The following EXOC6B variants were observed in gnomAD, a reference collection of about 807,000 sequenced individuals.
EXOC6B encodes the protein SEC15 homolog B.
In EXOC6B, 54 loss-of-function variants were observed where a neutral mutation model predicts 113.5. The ratio of observed to expected loss-of-function variants is 0.48; its 90% CI spans 0.38 to 0.60. The LOEUF (loss-of-function observed/expected upper bound fraction) is 0.60. EXOC6B is among the 20% of genes least tolerant of loss of function. EXOC6B has a pLI of 0.00. For missense variants in EXOC6B, 797 were observed against 977.5 expected (o/e 0.82, Z 2.46); for synonymous variants, 357 against 339.0 (o/e 1.05, Z -0.58).
At chr2:72,215,217 G>T (rs921486331) in intron 20 of EXOC6B, among the ~76,000 whole-genome samples, 2 of 152,150 alleles carry the variant, frequency 1.3e-5, no homozygotes, top group African/African-American at 4.8e-5. Context: ...AAATCAGTAA[G>T]TCTTACTGTT....
At chr2:72,289,310 T>C (rs576772834) in intron 20 of EXOC6B, among the ~76,000 whole-genome samples, 1 of 152,340 alleles carries the variant, frequency 6.6e-6, no homozygotes, top group Non-Finnish European at 1.5e-5. Flanking sequence ...CATGAAGCCA[T>C]ATAATTATGA....
chr2:72,723,308 A>T (rs1225211551), intron 5 of EXOC6B, among the ~76,000 whole-genome samples: 1 of 152,210 alleles, frequency 6.6e-6, no homozygotes, highest in East Asian at 1.9e-4. Flanking sequence ...AAGTAAAGAA[A>T]ATAAAAGCAG....
At chr2:72,197,936 T>G (rs901269539) in intron 20 of EXOC6B, among the ~76,000 whole-genome samples, 1 of 152,200 alleles carries the variant, frequency 6.6e-6, no homozygotes, top group Non-Finnish European at 1.5e-5. Flanking sequence ...GCCATCAGTC[T>G]GAAACTTTTG....
intron 19 of EXOC6B, among the ~76,000 whole-genome samples, chr2:72,350,503 A>T (rs550873021): frequency 1.3e-5 from 2 of 152,218 alleles, no homozygotes; most frequent in Non-Finnish European, 2.9e-5. Flanking sequence ...TAGACTTAGG[A>T]TCTATCTTAT....
intron 18 of EXOC6B, among the ~76,000 whole-genome samples, chr2:72,394,115 G>A (rs903543652): frequency 5.3e-5 from 8 of 152,014 alleles, no homozygotes; most frequent in Admixed American, 6.6e-5. Context: ...TATATGTTAA[G>A]TACTTAGTCA....
At chr2:72,263,511 A>T (rs1249582477) in intron 20 of EXOC6B, 1 of 152,226 alleles carries the variant, frequency 6.6e-6, no homozygotes, top group Non-Finnish European at 1.5e-5. Flanking sequence ...CTTATCCCCA[A>T]AGCAATAAAT....
At chr2:72,294,929 T>C (rs569299387) in intron 20 of EXOC6B, among the ~76,000 whole-genome samples, 15 of 152,062 alleles carry the variant, frequency 9.9e-5, no homozygotes, top group Non-Finnish European at 2.1e-4. Flanking sequence ...ACATTAAAAA[T>C]ATGTCTCTCA....
At chr2:72,413,138 T>G (rs1694292394) in intron 18 of EXOC6B, among the ~76,000 whole-genome samples, 1 of 151,918 alleles carries the variant, frequency 6.6e-6, no homozygotes, top group African/African-American at 2.4e-5. Context: ...TTTTTTTGTA[T>G]TTTTAGTAGA....
intron 20 of EXOC6B, among the ~76,000 whole-genome samples, chr2:72,310,206 C>A (rs1478467380): frequency 6.6e-6 from 1 of 152,132 alleles, no homozygotes; most frequent in Admixed American, 6.5e-5. Flanking sequence ...TTTGAGGAAA[C>A]ACTAAACTGT....
At chr2:72,511,648 C>T (rs1700905427) in intron 11 of EXOC6B, among the ~76,000 whole-genome samples, 2 of 152,070 alleles carry the variant, frequency 1.3e-5, no homozygotes, top group African/African-American at 2.4e-5. Flanking sequence ...CCCACCTTCA[C>T]CTTGAACACA....
At chr2:72,197,561 T>G (rs1333080944) in intron 20 of EXOC6B, among the ~76,000 whole-genome samples, 1 of 151,838 alleles carries the variant, frequency 6.6e-6, no homozygotes, top group Non-Finnish European at 1.5e-5. Context: ...TGGGATAAAT[T>G]TGGCAGTAGC....
At chr2:72,379,919 TAA>T in intron 18 of EXOC6B, 49 bp from the exon 19 acceptor site, 1 of 1,473,240 alleles carries the variant, frequency 6.8e-7, no homozygotes, top group Middle Eastern at 2.0e-4. Context: ...TAACATAAAT[TAA>T]AATAAAATTT....
chr2:72,397,256 T>C (rs1356102906), intron 18 of EXOC6B, among the ~76,000 whole-genome samples: 1 of 152,158 alleles, frequency 6.6e-6, no homozygotes, highest in Non-Finnish European at 1.5e-5. Context: ...GTCAAAAGGA[T>C]AACAAAGACC....
intron 20 of EXOC6B, among the ~76,000 whole-genome samples, chr2:72,316,590 T>C (rs1687527205): frequency 1.3e-5 from 2 of 152,212 alleles, no homozygotes; most frequent in South Asian, 4.1e-4. Flanking sequence ...AAATTCAATC[T>C]AGGTCCATTT....
At chr2:72,570,004 A>G (rs1385817078) in intron 7 of EXOC6B, among the ~76,000 whole-genome samples, 2 of 152,174 alleles carry the variant, frequency 1.3e-5, no homozygotes, top group African/African-American at 4.8e-5. Context: ...TGTTATGACT[A>G]TAATTGTGCT....
rs547056369 is a variant in EXOC6B, at chr2:72,381,548, A to G, written c.1981-1678T>C. 5.9e-5 allele frequency among the ~76,000 whole-genome samples: 9 copies of G among 152,312 alleles called. No individual in the cohort carries two copies. In the East Asian group the frequency reaches 1.7e-3, roughly 29 times the overall value. On this transcript the variant is annotated intron_variant, in intron 18 of 21. Coordinates refer to ENST00000272427, the MANE Select transcript of EXOC6B (RefSeq NM_015189.3). ...AGCAGGCTTTAAAGAGAAAAACCATAAATAAATAATATCATACTACATTTT... is the reference window on the plus strand; with the variant it reads ...AGCAGGCTTTAAAGAGAAAAACCATGAATAAATAATATCATACTACATTTT...
chr2:72,728,060 C>T (rs1319603708), intron 5 of EXOC6B, among the ~76,000 whole-genome samples: 3 of 151,968 alleles, frequency 2.0e-5, no homozygotes, highest in Admixed American at 6.6e-5. Flanking sequence ...CTGGCAAAAA[C>T]CAAAAAGTTT....
intron 8 of EXOC6B, among the ~76,000 whole-genome samples, chr2:72,524,649 T>C (rs1701669960): frequency 6.6e-6 from 1 of 152,200 alleles, no homozygotes; most frequent in Non-Finnish European, 1.5e-5. Context: ...AATAAATGCT[T>C]GAAAGGATGG....
chr2:72,210,193 G>A (rs1250471595), intron 20 of EXOC6B, among the ~76,000 whole-genome samples: 1 of 152,058 alleles, frequency 6.6e-6, no homozygotes, highest in African/African-American at 2.4e-5. Context: ...CCTTCATTGA[G>A]TATTTTCTCT....
Sources: gnomAD v4.1 joint callset for allele counts (sites outside exome capture counted in the v4.1 genomes callset) on GRCh38, gnomAD v4.1.1 for gene constraint, MANE v1.5 for transcripts, NCBI Gene and HGNC (gene_info 2026-07-23, HGNC 2026-07-21) for gene names.